ARHGAP42: variants seen among roughly 807,000 people sequenced by gnomAD.
The protein encoded by ARHGAP42 is Rho GTPase activating protein 42.
In ARHGAP42, 63 loss-of-function variants were observed where a neutral mutation model predicts 125.0. The ratio of observed to expected loss-of-function variants is 0.50; its 90% confidence interval spans 0.41 to 0.62. ARHGAP42 has a LOEUF of 0.62. Ranked by LOEUF, ARHGAP42 falls within the 20% of genes least tolerant of loss-of-function variation. ARHGAP42 has a pLI of 0.00. For synonymous variants in ARHGAP42, 339 were observed against 351.0 expected (o/e 0.97, Z 0.38); for missense variants, 766 against 1,024.2 (o/e 0.75, Z 3.44).
intron 3 of ARHGAP42, among the ~76,000 whole-genome samples, chr11:100,826,736 T>C (rs1464159848): frequency 2.0e-5 from 3 of 152,098 alleles, no homozygotes; most frequent in African/African-American, 4.8e-5. Context: ...TGTCTCACCC[T>C]CCCTAAGAAA....
intron 4 of ARHGAP42, among the ~76,000 whole-genome samples, chr11:100,903,709 AATATATATATATATATATATATAT>A (rs139506492): frequency 5.4e-4 from 34 of 63,516 alleles, no homozygotes; most frequent in Admixed American, 1.3e-3. Context: ...TGTCCCTCAA[AATATATATATATATATATATATAT>A]ATATATATAT....
At chr11:100,957,855 G>A (rs1267207127) in intron 12 of ARHGAP42, among the ~76,000 whole-genome samples, 2 of 152,030 alleles carry the variant, frequency 1.3e-5, no homozygotes, top group Non-Finnish European at 2.9e-5. Context: ...TTGAGGTACA[G>A]CCTGGTTATT....
chr11:100,698,344 A>C (rs188565007), intron 1 of ARHGAP42, among the ~76,000 whole-genome samples: 10 of 152,252 alleles, frequency 6.6e-5, no homozygotes, highest in Non-Finnish European at 8.8e-5. Context: ...GGTGGTGTGC[A>C]CCTGTAGTCC....
chr11:100,745,538 T>C (rs1862282334), intron 1 of ARHGAP42, among the ~76,000 whole-genome samples: 1 of 152,176 alleles, frequency 6.6e-6, no homozygotes, highest in African/African-American at 2.4e-5. Flanking sequence ...ACTGAACCAC[T>C]TTTCTAGCCA....
chr11:100,934,745 C>T (rs1867688277), intron 7 of ARHGAP42, among the ~76,000 whole-genome samples: 1 of 152,170 alleles, frequency 6.6e-6, no homozygotes, highest in South Asian at 2.1e-4. Context: ...TTCTGCTTAT[C>T]TGGTTCTTGC....
chr11:100,916,010 A>G (rs950073497), intron 5 of ARHGAP42, among the ~76,000 whole-genome samples: 7 of 152,154 alleles, frequency 4.6e-5, no homozygotes, highest in Non-Finnish European at 8.8e-5. Context: ...CTTGTTCTCA[A>G]AAAGGCTCCT....
intron 1 of ARHGAP42, among the ~76,000 whole-genome samples, chr11:100,765,142 G>T (rs746986849): frequency 6.6e-6 from 1 of 152,098 alleles, no homozygotes; most frequent in African/African-American, 2.4e-5. Flanking sequence ...CAGTACCTTA[G>T]CTTGGTAGGA....
intron 1 of ARHGAP42, among the ~76,000 whole-genome samples, chr11:100,754,779 C>T (rs115204709): frequency 5.6e-4 from 86 of 152,222 alleles, no homozygotes; most frequent in African/African-American, 1.9e-3. Context: ...GTAATCACTA[C>T]GTAGCTTTAT....
chr11:100,787,877 C>T (rs1863473132), intron 2 of ARHGAP42, among the ~76,000 whole-genome samples: 1 of 152,116 alleles, frequency 6.6e-6, no homozygotes. Flanking sequence ...TTACATGTGC[C>T]TTGTGAAGAG....
intron 4 of ARHGAP42, among the ~76,000 whole-genome samples, chr11:100,903,706 C>CAAAAAAAAAAAAAA (rs749877720): frequency 0.02 from 636 of 32,460 alleles, 17 homozygotes; most frequent in Non-Finnish European, 0.031. Context: ...ACATGTCCCT[C>CAAAAAAAAAAAAAA]AAAATATATA....
At chr11:100,699,438 T>A (rs1861352020) in intron 1 of ARHGAP42, among the ~76,000 whole-genome samples, 1 of 144,162 alleles carries the variant, frequency 6.9e-6, no homozygotes, top group Non-Finnish European at 1.5e-5. Context: ...TATAGAGAGA[T>A]TAATGATTTT....
At chr11:100,903,117 G>GCACACACACA (rs1555021069) in intron 4 of ARHGAP42, among the ~76,000 whole-genome samples, 14,355 of 131,756 alleles carry the variant, frequency 0.11, 972 homozygotes, top group Middle Eastern at 0.12. Flanking sequence ...TCCAAGATGC[G>GCACACACACA]CACACACACA....
At chr11:100,711,035 A>G (rs1861557619) in intron 1 of ARHGAP42, among the ~76,000 whole-genome samples, 1 of 152,214 alleles carries the variant, frequency 6.6e-6, no homozygotes, top group African/African-American at 2.4e-5. Flanking sequence ...TGCCATGTAC[A>G]CATTTGTTTT....
chr11:100,911,542 A>G (rs535174154), intron 4 of ARHGAP42, among the ~76,000 whole-genome samples: 21 of 152,250 alleles, frequency 1.4e-4, no homozygotes, highest in African/African-American at 5.1e-4. Context: ...ACCTAGAGAG[A>G]GAAAAGAAAA....
chr11:100,717,787 G>A (rs539721135), intron 1 of ARHGAP42, among the ~76,000 whole-genome samples: 52 of 151,720 alleles, frequency 3.4e-4, no homozygotes, highest in African/African-American at 1.1e-3. Context: ...TTAACAGGAC[G>A]TGGTGGCACA....
chr11:100,872,095 T>C lies in ARHGAP42; in HGVS notation c.384+12470T>C, dbSNP rs531748042. Among the ~76,000 whole-genome samples, 14 of 152,346 alleles carry C rather than the reference T, an allele frequency of 9.2e-5. No individual in the cohort carries two copies. In the South Asian group the frequency reaches 2.5e-3, roughly 27 times the overall value. The stretch of plus-strand genomic sequence containing the variant: ...GTTCCTATTTACCTAACTCTTGTTC[T>C]CTATAGACGGCTCCTATTTTTCAGT... On this transcript the variant is annotated intron_variant, in intron 4 of 23. Coordinates refer to ENST00000298815, the MANE Select transcript of ARHGAP42 (RefSeq NM_152432.4).
At chr11:100,696,333 A>AT (rs529582809) in intron 1 of ARHGAP42, among the ~76,000 whole-genome samples, 2 of 151,924 alleles carry the variant, frequency 1.3e-5, no homozygotes, top group South Asian at 2.1e-4. Flanking sequence ...TAAAATGTCT[A>AT]TTTTTTTTAT....
intron 1 of ARHGAP42, among the ~76,000 whole-genome samples, chr11:100,723,523 T>C (rs1861801988): frequency 6.6e-6 from 1 of 152,186 alleles, no homozygotes; most frequent in African/African-American, 2.4e-5. Context: ...ATTTCTTTTT[T>C]TTTCTTTATG....
Position 100,729,072 on chromosome 11 carries a change from GTCTC to G in ARHGAP42, c.154+41254_155-41254del, listed in dbSNP as rs141776807. On this transcript the variant is annotated intron_variant, in intron 1 of 23. Transcript: ENST00000298815. The stretch of plus-strand genomic sequence containing the variant: ...GTGTGAGCCACTGCACGCAGCCTCT[GTCTC>G]TCTCTCTCTCTCTTAACTTTCAGTA... Among the ~76,000 whole-genome samples the G allele has an allele frequency of 7.0e-3, 1,047 of 150,316 alleles. 75 individuals carry two copies. In the East Asian group the frequency reaches 0.17, roughly 24 times the overall value.
Sources: gnomAD v4.1 joint callset for allele counts (sites outside exome capture counted in the v4.1 genomes callset) on GRCh38, gnomAD v4.1.1 for gene constraint, MANE v1.5 for transcripts, NCBI Gene and HGNC (gene_info 2026-07-23, HGNC 2026-07-21) for gene names.